LRRK1: variants seen among roughly 807,000 people sequenced by gnomAD.
The protein encoded by LRRK1 is leucine rich repeat kinase 1, also known as leucine-rich repeat serine/threonine-protein kinase 1.
LRRK1 carries 113 observed loss-of-function variants against 209.1 expected under a neutral mutation model. The ratio of observed to expected loss-of-function variants is 0.54; its 90% CI spans 0.46 to 0.63. The LOEUF (loss-of-function observed/expected upper bound fraction) is 0.63. Among genes scored for constraint, LRRK1 ranks in the 30% least tolerant of loss-of-function variants. The pLI is 0.00. For missense variants in LRRK1, 2,284 were observed against 2,632.2 expected, an observed-to-expected ratio of 0.87 and a Z score of 2.89; for synonymous variants, 1,144 against 1,099.7, an observed-to-expected ratio of 1.04 and a Z score of -0.80.
intron 2 of LRRK1, among the ~76,000 whole-genome samples, chr15:100,952,434 A>G (rs1030171232): frequency 6.6e-6 from 1 of 152,182 alleles, no homozygotes; most frequent in South Asian, 2.1e-4. Context: ...GCTAAAAAGG[A>G]ATTTGCCTGT....
chr15:100,975,411 G>A (rs1042736978), intron 3 of LRRK1, among the ~76,000 whole-genome samples: 1 of 152,226 alleles, frequency 6.6e-6, no homozygotes, highest in Non-Finnish European at 1.5e-5. Context: ...AAAGGCAGTG[G>A]CATCATAATT....
Position 101,055,275 on chromosome 15 carries a change from C to T in LRRK1, c.4332+52C>T, listed in dbSNP as rs183717209. 279 of 1,479,832 alleles carry T rather than the reference C, an allele frequency of 1.9e-4. 1 individual carries two copies. In the African/African-American group the frequency reaches 3.7e-3, roughly 20 times the overall value. The allele number at this position is 1,479,832 out of a possible 1,614,324, so 91.7% of individuals were successfully genotyped here. A position where few individuals can be genotyped will look rare whatever the true frequency, so the allele number is the denominator to read the frequency against. On this transcript the variant is annotated intron_variant, in intron 27 of 33. Coordinates refer to ENST00000388948, the MANE Select transcript of LRRK1 (RefSeq NM_024652.6). ...CCCCACAGTGTAGGAGCCCAGCCCT[C>T]AGGCTAGCCGGGCAGTCCTGGAGGC...
At chr15:101,029,524 T>C (rs1347458044) in intron 20 of LRRK1, among the ~76,000 whole-genome samples, 1 of 145,162 alleles carries the variant, frequency 6.9e-6, no homozygotes, top group South Asian at 2.1e-4. Context: ...TTAAAAATAA[T>C]TTGTGGGAAT....
rs1384039891 is a variant in LRRK1, at chr15:100,919,964, C to T, written c.-123+513C>T. On this transcript the variant is annotated intron_variant, in intron 1 of 33. Transcript: ENST00000388948. This position sits in a 1 kb window ranked among gnomAD's most constrained non-coding sequence, Gnocchi z 5.8. Reference sequence around the variant, plus strand: ...GAGCCTCTCGCTGGTCCGGGGCTTCCTGGGGTTGCGGGGCGGCCCAGCGAG... The same window carrying T: ...GAGCCTCTCGCTGGTCCGGGGCTTCTTGGGGTTGCGGGGCGGCCCAGCGAG... 6.6e-6 allele frequency: 1 copy of T among 152,448 alleles called. No individual in the cohort carries two copies. 9.4% of individuals were successfully genotyped at this position (152,448 alleles called of 1,614,324 possible).
At chr15:101,008,069 G>A (rs1418108762) in intron 6 of LRRK1, among the ~76,000 whole-genome samples, 1 of 140,682 alleles carries the variant, frequency 7.1e-6, no homozygotes, top group Admixed American at 7.9e-5. Flanking sequence ...CTTGAACCCG[G>A]GAAGCGGCGG....
chr15:100,947,465 C>T (rs938095919), intron 2 of LRRK1, among the ~76,000 whole-genome samples: 3 of 152,026 alleles, frequency 2.0e-5, no homozygotes, highest in East Asian at 1.9e-4. Context: ...GTAAGACTAT[C>T]GTTTTGTTCT....
intron 6 of LRRK1, among the ~76,000 whole-genome samples, chr15:100,991,004 T>C (rs2032133053): frequency 6.6e-6 from 1 of 152,242 alleles, no homozygotes; most frequent in Non-Finnish European, 1.5e-5. Context: ...TATTTGTGTG[T>C]ATTGTATGAG....
At chr15:101,053,536 C>T (rs1295455877) in intron 26 of LRRK1, 116 bp downstream of exon 26, 3 of 888,596 alleles carry the variant, frequency 3.4e-6, no homozygotes, top group Admixed American at 2.6e-5. Flanking sequence ...GCACGCCCAA[C>T]CCATGGCTCG....
At chr15:100,956,621 C>T (rs929101517) in intron 2 of LRRK1, among the ~76,000 whole-genome samples, 4 of 151,612 alleles carry the variant, frequency 2.6e-5, no homozygotes, top group Admixed American at 2.0e-4. Context: ...CCCACAACCA[C>T]GCCTGGCTAA....
chr15:101,056,413 A>C (rs2035796440), intron 27 of LRRK1, among the ~76,000 whole-genome samples: 1 of 152,064 alleles, frequency 6.6e-6, no homozygotes, highest in Non-Finnish European at 1.5e-5. Flanking sequence ...GTTTTATTGG[A>C]TGGAAGGATG....
intron 2 of LRRK1, among the ~76,000 whole-genome samples, chr15:100,949,154 G>A (rs568516106): frequency 5.9e-5 from 9 of 152,102 alleles, no homozygotes; most frequent in African/African-American, 2.2e-4. Flanking sequence ...AAAATAAAAA[G>A]GAGAAGGCTC....
At chr15:100,973,169 T>C (rs1302960484) in intron 2 of LRRK1, among the ~76,000 whole-genome samples, 1 of 152,084 alleles carries the variant, frequency 6.6e-6, no homozygotes, top group Non-Finnish European at 1.5e-5. Context: ...GGTCGCGGCC[T>C]CCCGCAAGGC....
Position 101,065,796 on chromosome 15 carries a change from T to A in LRRK1, c.5359T>A (p.Phe1787Ile). The stretch of plus-strand genomic sequence containing the variant: ...GGTCCCCAGCCCCCTCAGGGACATG[T>A]TTCCCGTGCGGCCCTTGGACACGGA... ...CGVPSPLRDM[F>I]PVRPLDTEPP... Residue 1787 changes from phenylalanine (F) to isoleucine (I), a missense_variant, in exon 32 of 34, where the codon TTT becomes ATT. Coordinates refer to ENST00000388948, the MANE Select transcript of LRRK1 (RefSeq NM_024652.6). 6.2e-7 allele frequency: 1 copy of A among 1,614,086 alleles called. No individual in the cohort carries two copies. Among genetic ancestry groups the A allele is most frequent in the South Asian group, 1.1e-5 (1 of 91,074 alleles).
chr15:100,931,628 A>G (rs1204913208), intron 2 of LRRK1, among the ~76,000 whole-genome samples: 1 of 152,112 alleles, frequency 6.6e-6, no homozygotes, highest in Non-Finnish European at 1.5e-5. Flanking sequence ...CAGGGCCTCG[A>G]TCTGCTGGTG....
intron 2 of LRRK1, among the ~76,000 whole-genome samples, chr15:100,942,820 G>C (rs372433584): frequency 2.6e-5 from 4 of 152,258 alleles, no homozygotes; most frequent in East Asian, 3.9e-4. Flanking sequence ...TGGTTCTGTT[G>C]GTAGCAGCCT....
rs368064473 is a variant in LRRK1, at chr15:100,956,529, G to A, written c.98-17275G>A. On this transcript the variant is annotated intron_variant, in intron 2 of 33. Transcript: ENST00000388948. Reference sequence around the variant, plus strand: ...CTGGAGGGCTGGAGTGCAGTGGCACGATCTTGGCTCACTGCAGCCTCCACC... The same window carrying A: ...CTGGAGGGCTGGAGTGCAGTGGCACAATCTTGGCTCACTGCAGCCTCCACC... Among the ~76,000 whole-genome samples, 13 of 140,902 alleles carry A rather than the reference G, an allele frequency of 9.2e-5. No homozygotes were observed. The South Asian group carries it at 2.1e-3, about 22-fold the overall frequency. The allele number at this position is 140,902 out of a possible 152,430, so 92.4% of individuals were successfully genotyped here.
intron 6 of LRRK1, among the ~76,000 whole-genome samples, chr15:101,001,246 G>C (rs1054520180): frequency 3.3e-5 from 5 of 152,076 alleles, no homozygotes; most frequent in Admixed American, 2.6e-4. Context: ...AGTTCCCAGA[G>C]TTCTCTGGGA....
chr15:100,947,641 G>A (rs577610657), intron 2 of LRRK1, among the ~76,000 whole-genome samples: 1 of 152,274 alleles, frequency 6.6e-6, no homozygotes, highest in Admixed American at 6.5e-5. Context: ...TAGTTGCTAC[G>A]TGGGCAGAAA....
At chr15:100,983,837 A>C in intron 4 of LRRK1, 138 bp downstream of exon 4, 2 of 895,352 alleles carry the variant, frequency 2.2e-6, no homozygotes, top group Non-Finnish European at 3.7e-6. Context: ...CACCCAAACA[A>C]AGTGAAGCTT....
Sources: allele counts gnomAD v4.1 joint callset (sites outside exome capture counted in the v4.1 genomes callset), GRCh38; gene constraint gnomAD v4.1.1; non-coding constraint Gnocchi (gnomAD v3.1); transcripts MANE v1.5; gene names NCBI Gene and HGNC (gene_info 2026-07-23, HGNC 2026-07-21).